Variants in ANK3 observed in about 807,000 individuals in gnomAD.
ANK3 encodes the protein ankyrin 3, also known as ankyrin-3.
ANK3 carries 57 observed loss-of-function variants against 370.9 expected under a neutral mutation model. That is an observed-to-expected ratio of 0.15 (90% confidence interval 0.12 to 0.19). The LOEUF (loss-of-function observed/expected upper bound fraction) is 0.19. ANK3 is among the 10% of genes least tolerant of loss of function. ANK3 has a pLI of 1.00. For synonymous variants in ANK3, 1,929 were observed against 1,946.3 expected (o/e 0.99, Z 0.23); for missense variants, 4,439 against 5,302.1 (o/e 0.84, Z 5.06).
intron 8 of ANK3, among the ~76,000 whole-genome samples, chr10:60,219,294 C>T (rs73269479): frequency 0.024 from 3,638 of 152,136 alleles, 139 homozygotes; most frequent in African/African-American, 0.08. Flanking sequence ...ATCTGTCCAT[C>T]TGATCCTCCA....
upstream of ANK3, among the ~76,000 whole-genome samples, chr10:60,390,560 C>T (rs2063006865): frequency 6.6e-6 from 1 of 152,040 alleles, no homozygotes; most frequent in Non-Finnish European, 1.5e-5. Flanking sequence ...AGCAGCAGTG[C>T]TCAAGGCCTG....
At chr10:60,345,024 A>G (rs987550042) in intron 1 of ANK3, among the ~76,000 whole-genome samples, 2 of 152,132 alleles carry the variant, frequency 1.3e-5, no homozygotes, top group African/African-American at 4.8e-5. Context: ...TTGCTAGTAA[A>G]TGTCCTTTTG....
chr10:60,583,997 T>G (rs1479719960), intron 2 of ANK3, among the ~76,000 whole-genome samples: 1 of 152,186 alleles, frequency 6.6e-6, no homozygotes, highest in Non-Finnish European at 1.5e-5. Context: ...AACCATCACA[T>G]TGTACCCCCA....
At chr10:60,349,085 GA>G (rs60613780) in intron 1 of ANK3, among the ~76,000 whole-genome samples, 1 of 152,134 alleles carries the variant, frequency 6.6e-6, no homozygotes, top group Non-Finnish European at 1.5e-5. Context: ...GAAACACAGA[GA>G]GGGAAGAGCA....
intron 1 of ANK3, among the ~76,000 whole-genome samples, chr10:60,698,923 A>G (rs944087726): frequency 4.0e-5 from 5 of 124,238 alleles, no homozygotes; most frequent in African/African-American, 1.5e-4. Context: ...ATAATAATAA[A>G]GAAAAATAAA....
intron 39 of ANK3, among the ~76,000 whole-genome samples, chr10:60,063,476 A>G (rs2081014730): frequency 6.6e-6 from 1 of 152,238 alleles, no homozygotes; most frequent in Non-Finnish European, 1.5e-5. Context: ...CCACTGGAAC[A>G]GTGCGGATGG....
chr10:60,590,850 G>T (rs1437261178), intron 2 of ANK3, among the ~76,000 whole-genome samples: 1 of 152,074 alleles, frequency 6.6e-6, no homozygotes, highest in Non-Finnish European at 1.5e-5. Context: ...TTTTTTACTT[G>T]TATTTTTATT....
At chr10:60,056,208 G>A (rs981687974) in intron 41 of ANK3, among the ~76,000 whole-genome samples, 172 bp from the exon 42 acceptor site, 1 of 152,234 alleles carries the variant, frequency 6.6e-6, no homozygotes, top group Non-Finnish European at 1.5e-5. Context: ...AGTGGCTCAT[G>A]CCTGTAATCC....
chr10:60,278,109 T>C (rs764833061), intron 4 of ANK3, among the ~76,000 whole-genome samples: 16 of 152,222 alleles, frequency 1.1e-4, no homozygotes, highest in Non-Finnish European at 1.9e-4. Context: ...TGAAAGACCA[T>C]GTAAGATTTA....
chr10:60,728,316 A>G (rs1272464026), intron 1 of ANK3, among the ~76,000 whole-genome samples: 2 of 152,200 alleles, frequency 1.3e-5, no homozygotes, highest in Non-Finnish European at 2.9e-5. Context: ...ACTCACTGAC[A>G]TGTCATCTTA....
chr10:60,211,892 C>CAAAAAAAAAAAAAAAAAAA (rs72238553), intron 9 of ANK3, among the ~76,000 whole-genome samples: 4 of 93,398 alleles, frequency 4.3e-5, no homozygotes, highest in African/African-American at 4.8e-5. Context: ...AATACAGAGC[C>CAAAAAAAAAAAAAAAAAAA]AAAAAAAAAA....
chr10:60,301,395 C>T (rs1212295071), intron 1 of ANK3, among the ~76,000 whole-genome samples: 10 of 147,958 alleles, frequency 6.8e-5, no homozygotes, highest in Admixed American at 6.8e-4. Flanking sequence ...CATACATACA[C>T]ACACACACAC....
chr10:60,708,842 C>G (rs2079657403), intron 1 of ANK3, among the ~76,000 whole-genome samples: 2 of 152,098 alleles, frequency 1.3e-5, no homozygotes, highest in Admixed American at 1.3e-4. Context: ...GAAATTACAC[C>G]TGAAAGAACT....
intron 42 of ANK3, among the ~76,000 whole-genome samples, chr10:60,054,957 GTAAACCTCAAAGAAAA>G (rs2131910108): frequency 6.6e-6 from 1 of 152,124 alleles, no homozygotes; most frequent in African/African-American, 2.4e-5. Flanking sequence ...TAAAAATAGA[GTAAACCTCAAAGAAAA>G]AAATCTATTA....
intron 1 of ANK3, among the ~76,000 whole-genome samples, chr10:60,696,502 A>C (rs986366281): frequency 6.6e-6 from 1 of 151,724 alleles, no homozygotes; most frequent in Non-Finnish European, 1.5e-5. Context: ...AAAAATCCCC[A>C]ATAAAATACT....
At chr10:60,668,946 T>C (rs1186747746) in intron 1 of ANK3, among the ~76,000 whole-genome samples, 3 of 151,674 alleles carry the variant, frequency 2.0e-5, no homozygotes, top group African/African-American at 7.3e-5. Flanking sequence ...TGAGCCAAGA[T>C]CGCGCCACTG....
intron 1 of ANK3, among the ~76,000 whole-genome samples, chr10:60,324,472 C>G (rs2049357402): frequency 6.6e-6 from 1 of 152,132 alleles, no homozygotes; most frequent in Admixed American, 6.5e-5. Flanking sequence ...GTGACAGTGT[C>G]CCTTTATTGG....
At chr10:60,691,429 C>T (rs1394671771) in intron 1 of ANK3, among the ~76,000 whole-genome samples, 7 of 152,238 alleles carry the variant, frequency 4.6e-5, no homozygotes, top group Admixed American at 2.0e-4. Context: ...AACTCATTCA[C>T]GAGGGTTATT....
Position 60,177,490 on chromosome 10 carries a change from T to C in ANK3, c.2184+3839A>G, listed in dbSNP as rs148326541. Among the ~76,000 whole-genome samples, 103 of 152,258 alleles carry C rather than the reference T, an allele frequency of 6.8e-4. 1 individual carries two copies. In the East Asian group the frequency reaches 0.016, roughly 24 times the overall value. On this transcript the variant is annotated intron_variant, in intron 18 of 43. Transcript: ENST00000280772. ...TGTCTCTCCTTTATTCCCTGTCTCATTGAATGGTACTTGTGATCACCCAGT... is the reference window on the plus strand; with the variant it reads ...TGTCTCTCCTTTATTCCCTGTCTCACTGAATGGTACTTGTGATCACCCAGT...
Sources: gnomAD v4.1 joint callset for allele counts (sites outside exome capture counted in the v4.1 genomes callset) on GRCh38, gnomAD v4.1.1 for gene constraint, MANE v1.5 for transcripts, NCBI Gene and HGNC (gene_info 2026-07-23, HGNC 2026-07-21) for gene names.